The following CUBN variants were observed in gnomAD, a reference collection of about 807,000 sequenced individuals.
CUBN encodes the protein 460 kDa receptor.
CUBN carries 282 observed loss-of-function variants against 405.3 expected under a neutral mutation model. The observed-to-expected ratio is 0.70, with a 90% CI of 0.63 to 0.77. The LOEUF is 0.77. Among genes scored for constraint, CUBN ranks in the 30% least tolerant of loss-of-function variants. The pLI, the probability that CUBN is intolerant of heterozygous loss-of-function variation, is 0.00. For synonymous variants in CUBN, 1,684 were observed against 1,617.0 expected (o/e 1.04, Z -0.99); for missense variants, 4,514 against 4,475.2 (o/e 1.01, Z -0.25).
chr10:17,046,376 G>A (rs1334280970), intron 23 of CUBN, among the ~76,000 whole-genome samples: 2 of 151,986 alleles, frequency 1.3e-5, no homozygotes, highest in Non-Finnish European at 2.9e-5. Flanking sequence ...TCACCCTTTC[G>A]AATAAAGCCT....
At chr10:17,027,928 C>T (rs1168029107) in intron 27 of CUBN, among the ~76,000 whole-genome samples, 1 of 152,112 alleles carries the variant, frequency 6.6e-6, no homozygotes, top group African/African-American at 2.4e-5. Context: ...GACTATCACA[C>T]ATTGCACGCC....
chr10:16,990,333 C>A lies in CUBN; in HGVS notation c.4350+1G>T, dbSNP rs1270229488. 3 of 1,614,054 alleles carry A rather than the reference C, an allele frequency of 1.9e-6. No individual in the cohort carries two copies. In the South Asian group the frequency reaches 3.3e-5, roughly 18 times the overall value. On this transcript the variant is annotated splice_donor_variant, in intron 29 of 66. Transcript: ENST00000377833. LOFTEE classifies it high-confidence loss of function. ...GCTGAAAAAACCATCTCACTTCCTACCTCCAAGACATCAAAGTTGCACCTT... is the reference window on the plus strand; with the variant it reads ...GCTGAAAAAACCATCTCACTTCCTAACTCCAAGACATCAAAGTTGCACCTT...
At chr10:16,910,770 T>C (rs1841706208) in intron 48 of CUBN, among the ~76,000 whole-genome samples, 2 of 151,008 alleles carry the variant, frequency 1.3e-5, no homozygotes, top group South Asian at 2.1e-4. Context: ...TATTCATATA[T>C]ATTAATATAT....
chr10:17,083,516 A>AATACATACATACATACATAC (rs146497391), intron 17 of CUBN, among the ~76,000 whole-genome samples: 51 of 142,724 alleles, frequency 3.6e-4, no homozygotes, highest in South Asian at 3.0e-3. Flanking sequence ...AAAATAAATA[A>AATACATACATACATACATAC]ATACATACAT....
At chr10:17,123,338 A>C (rs1837090264) in intron 5 of CUBN, 1 of 561,970 alleles carries the variant, frequency 1.8e-6, no homozygotes, top group African/African-American at 1.9e-5. Context: ...ATGTTAACAG[A>C]AATATTGTGT....
intron 50 of CUBN, among the ~76,000 whole-genome samples, chr10:16,905,492 TC>T (rs754954449): frequency 1.3e-5 from 2 of 152,130 alleles, no homozygotes; most frequent in Non-Finnish European, 2.9e-5. Context: ...TCCTAAGGCC[TC>T]AGGAGAATTT....
At chr10:16,857,782 TTCACAC>T (rs1839903531) in intron 59 of CUBN, among the ~76,000 whole-genome samples, 2 of 152,210 alleles carry the variant, frequency 1.3e-5, no homozygotes, top group African/African-American at 4.8e-5. Context: ...CGATATTGAT[TTCACAC>T]CCCTCTAACT....
chr10:16,915,708 C>A, intron 46 of CUBN, 113 bp downstream of exon 46: 1 of 869,100 alleles, frequency 1.2e-6, no homozygotes, highest in East Asian at 2.6e-5. Context: ...GTCTGCACTT[C>A]TCTGCAGAGT....
At chr10:17,122,435 C>A in intron 6 of CUBN, 1 of 370,882 alleles carries the variant, frequency 2.7e-6, no homozygotes, top group Non-Finnish European at 5.4e-6. Context: ...GTGGGGTGTC[C>A]CCTTTTCTAC....
At chr10:16,999,522 C>T (rs747536034) in intron 28 of CUBN, among the ~76,000 whole-genome samples, 2 of 152,128 alleles carry the variant, frequency 1.3e-5, no homozygotes, top group Non-Finnish European at 2.9e-5. Context: ...ATCTCTTTTC[C>T]CTCTCCTTGG....
intron 59 of CUBN, among the ~76,000 whole-genome samples, chr10:16,854,947 TC>T (rs1839825756): frequency 7.6e-6 from 1 of 130,936 alleles, no homozygotes; most frequent in African/African-American, 2.8e-5. Context: ...CCTCCCTCCC[TC>T]CCTTCCTCTC....
At chr10:16,893,606 A>C (rs543700644) in intron 54 of CUBN, among the ~76,000 whole-genome samples, 30 of 152,316 alleles carry the variant, frequency 2.0e-4, no homozygotes, top group African/African-American at 7.0e-4. Context: ...AATATTATAT[A>C]AATGGAACAG....
chr10:17,123,800 T>C, intron 4 of CUBN, 111 bp from the exon 5 acceptor site: 1 of 724,220 alleles, frequency 1.4e-6, no homozygotes, highest in South Asian at 1.5e-5. Flanking sequence ...GGGGTCTCCT[T>C]CTACACTTTA....
intron 48 of CUBN, among the ~76,000 whole-genome samples, chr10:16,910,122 CCTT>C (rs757563641): frequency 2.0e-4 from 30 of 151,424 alleles, no homozygotes; most frequent in African/African-American, 7.3e-4. Context: ...TTCTCTTTCT[CCTT>C]CTTCTACTTC....
At chr10:16,960,102 T>C (rs1843174691) in intron 31 of CUBN, among the ~76,000 whole-genome samples, 1 of 152,248 alleles carries the variant, frequency 6.6e-6, no homozygotes, top group Non-Finnish European at 1.5e-5. Context: ...GCAGATCTAA[T>C]GGAGTGGTCA....
At chr10:16,832,369 G>T (rs1260713985) in intron 64 of CUBN, among the ~76,000 whole-genome samples, 2 of 152,188 alleles carry the variant, frequency 1.3e-5, no homozygotes, top group Non-Finnish European at 2.9e-5. Flanking sequence ...AAGTCACAAA[G>T]TTAAGACATC....
At chr10:17,125,690 C>T (rs143679735) in intron 4 of CUBN, among the ~76,000 whole-genome samples, 2 of 152,256 alleles carry the variant, frequency 1.3e-5, no homozygotes, top group Non-Finnish European at 2.9e-5. Context: ...AGCATTTGCC[C>T]TATCCAAAGG....
At chr10:16,957,277 A>T (rs1001275767) in intron 31 of CUBN, among the ~76,000 whole-genome samples, 1 of 152,220 alleles carries the variant, frequency 6.6e-6, no homozygotes, top group African/African-American at 2.4e-5. Context: ...CAAATGAGTG[A>T]CATCATGCAA....
In CUBN at chr10:17,047,473, G is replaced by A. The variant is rs139454937; in HGVS notation, c.3270C>T (p.Phe1090=). The change falls in exon 23 of 67, where the codon TTC becomes TTT. Residue 1090 remains phenylalanine, a synonymous_variant. Transcript: ENST00000377833. ...VRTGQLIAVH[F]TNFSLEEAIG... is the part of the protein sequence containing the mutation. ...TGGCTTCCTCCAAGGAGAAGTTTGTGAAGTGCACTGCAATCAGTTGGCCAG... is the reference window on the plus strand; with the variant it reads ...TGGCTTCCTCCAAGGAGAAGTTTGTAAAGTGCACTGCAATCAGTTGGCCAG... 41 of 1,614,052 alleles carry A rather than the reference G, an allele frequency of 2.5e-5. No individual in the cohort carries two copies. Among genetic ancestry groups the A allele is most frequent in the Non-Finnish European group, 3.2e-5 (38 of 1,179,950 alleles).
Sources: allele counts gnomAD v4.1 joint callset (sites outside exome capture counted in the v4.1 genomes callset), GRCh38; gene constraint gnomAD v4.1.1; transcripts MANE v1.5; gene names NCBI Gene and HGNC (gene_info 2026-07-23, HGNC 2026-07-21).